FRMD4A: variants seen among roughly 807,000 people sequenced by gnomAD.
FRMD4A encodes the protein FERM domain-containing protein 4A.
In FRMD4A, 29 loss-of-function variants were observed where a neutral mutation model predicts 129.1. That is an observed-to-expected ratio of 0.22 (90% CI 0.17 to 0.31). The LOEUF is 0.31. Ranked by LOEUF, FRMD4A falls within the 10% of genes least tolerant of loss-of-function variation. FRMD4A has a pLI of 1.00. For missense variants in FRMD4A, 1,272 were observed against 1,375.8 expected, an observed-to-expected ratio of 0.92 and a Z score of 1.19; for synonymous variants, 634 against 571.6, an observed-to-expected ratio of 1.11 and a Z score of -1.56.
intron 2 of FRMD4A, among the ~76,000 whole-genome samples, chr10:14,293,606 T>C (rs902796141): frequency 7.6e-5 from 11 of 144,688 alleles, no homozygotes; most frequent in African/African-American, 2.7e-4. Flanking sequence ...ATTGTAAGTT[T>C]TGATGAAGAT....
At position 14,021,793 on chromosome 10, in the gene FRMD4A, G is replaced by A. The variant is rs115993781; in HGVS notation, c.46-162881C>T. Among the ~76,000 whole-genome samples, 153 of 152,004 alleles carry A rather than the reference G, an allele frequency of 1.0e-3. 1 individual carries two copies. The highest frequency in any genetic ancestry group is 3.4e-3 in the African/African-American group (139 of 41,440). On this transcript the variant is annotated intron_variant, in intron 2 of 24. Transcript: ENST00000357447. ...TTTATGGACTTTTGTGCACCTCACCGATATCTTACAATAACAAATTACAAA... is the reference window on the plus strand; with the variant it reads ...TTTATGGACTTTTGTGCACCTCACCAATATCTTACAATAACAAATTACAAA...
At chr10:14,042,676 A>C (rs1166207928) in intron 2 of FRMD4A, among the ~76,000 whole-genome samples, 2 of 152,132 alleles carry the variant, frequency 1.3e-5, no homozygotes, top group Non-Finnish European at 2.9e-5. Context: ...AATTTATTTG[A>C]AAACAGGCCG....
At chr10:14,246,412 C>T (rs1436256004) in intron 2 of FRMD4A, among the ~76,000 whole-genome samples, 5 of 151,972 alleles carry the variant, frequency 3.3e-5, no homozygotes, top group East Asian at 1.9e-4. Flanking sequence ...CACACAAGTG[C>T]ACGCATACAC....
chr10:14,006,558 G>A (rs868640175), intron 2 of FRMD4A, among the ~76,000 whole-genome samples: 17 of 152,118 alleles, frequency 1.1e-4, no homozygotes, highest in African/African-American at 3.1e-4. Context: ...GTTTCCAGGC[G>A]ACTGGATTTG....
chr10:14,033,003 GTTCTT>G (rs1833320043), intron 2 of FRMD4A, among the ~76,000 whole-genome samples: 1 of 152,160 alleles, frequency 6.6e-6, no homozygotes, highest in African/African-American at 2.4e-5. Flanking sequence ...GCTCCACTAC[GTTCTT>G]TTAAGATAAT....
At chr10:13,865,408 G>GTTTTA (rs56008576) in intron 2 of FRMD4A, among the ~76,000 whole-genome samples, 29,330 of 126,880 alleles carry the variant, frequency 0.23, 3,751 homozygotes, top group Middle Eastern at 0.29. Flanking sequence ...TATTTTATTT[G>GTTTTA]TTTTATTTTA....
At chr10:14,281,661 C>A (rs1219076402) in intron 2 of FRMD4A, among the ~76,000 whole-genome samples, 2 of 152,198 alleles carry the variant, frequency 1.3e-5, no homozygotes, top group Admixed American at 1.3e-4. Flanking sequence ...GTTGTACAAC[C>A]ATTGCCACCA....
At chr10:13,836,467 T>TAG (rs2093874914) in intron 3 of FRMD4A, among the ~76,000 whole-genome samples, 1 of 152,136 alleles carries the variant, frequency 6.6e-6, no homozygotes, top group Non-Finnish European at 1.5e-5. Flanking sequence ...AAATTGACAA[T>TAG]TCTTTGGGGG....
intron 2 of FRMD4A, among the ~76,000 whole-genome samples, chr10:14,042,565 C>T (rs764128551): frequency 5.3e-5 from 8 of 152,104 alleles, no homozygotes; most frequent in Non-Finnish European, 7.4e-5. Flanking sequence ...TTTTTCTTCA[C>T]GGCACCGAAG....
In FRMD4A at chr10:14,180,214, A is replaced by G. The variant is rs117303734; in HGVS notation, c.45+149844T>C. On this transcript the variant is annotated intron_variant, in intron 2 of 24. Transcript: ENST00000357447. ...CCAGGGCTTGAGCTAGATACTCTTC[A>G]GTGTCATCTCACTTAATTTTAACAG... is the stretch of plus-strand genomic sequence containing the variant. 7.1e-3 allele frequency among the ~76,000 whole-genome samples: 1,088 copies of G among 152,338 alleles called. 7 individuals carry two copies. The highest frequency in any genetic ancestry group is 0.012 in the Non-Finnish European group (826 of 68,030).
At chr10:13,749,825 C>G (rs1290636106) in intron 8 of FRMD4A, among the ~76,000 whole-genome samples, 2 of 151,616 alleles carry the variant, frequency 1.3e-5, no homozygotes, top group African/African-American at 4.9e-5. Context: ...CCTGTCTCTA[C>G]AAAAAATACA....
intron 2 of FRMD4A, among the ~76,000 whole-genome samples, chr10:14,204,739 GGA>G (rs1405403084): frequency 6.6e-6 from 1 of 152,078 alleles, no homozygotes; most frequent in African/African-American, 2.4e-5. Context: ...ATCGGAGCCT[GGA>G]GAGAGAGATT....
chr10:13,736,328 T>A (rs149700033), intron 12 of FRMD4A, among the ~76,000 whole-genome samples: 181 of 152,200 alleles, frequency 1.2e-3, no homozygotes, highest in Non-Finnish European at 2.1e-3. Context: ...GATCCCACAA[T>A]TGAGGAACAC....
intron 4 of FRMD4A, among the ~76,000 whole-genome samples, chr10:13,800,794 A>G (rs1438986071): frequency 1.3e-5 from 2 of 152,244 alleles, no homozygotes; most frequent in Non-Finnish European, 2.9e-5. Flanking sequence ...TCCACAGAGG[A>G]CAAACAGACA....
intron 2 of FRMD4A, among the ~76,000 whole-genome samples, chr10:13,916,865 A>G (rs1262630526): frequency 6.6e-6 from 1 of 152,056 alleles, no homozygotes; most frequent in African/African-American, 2.4e-5. Context: ...CCCCCAAAAA[A>G]GAAAGAAACA....
intron 2 of FRMD4A, among the ~76,000 whole-genome samples, chr10:14,310,234 T>G (rs1036394340): frequency 4.6e-5 from 7 of 152,220 alleles, no homozygotes; most frequent in Admixed American, 1.3e-4. Flanking sequence ...CGCACTCAAT[T>G]TGGCCTTCAC....
intron 2 of FRMD4A, among the ~76,000 whole-genome samples, chr10:13,995,979 G>A (rs1279954912): frequency 6.6e-6 from 1 of 152,072 alleles, no homozygotes; most frequent in African/African-American, 2.4e-5. Context: ...CCCATAAACT[G>A]GGGAGCTTAC....
intron 2 of FRMD4A, among the ~76,000 whole-genome samples, chr10:14,003,929 T>A (rs148878690): frequency 6.6e-6 from 1 of 152,272 alleles, no homozygotes; most frequent in Admixed American, 6.5e-5. Flanking sequence ...CTCATTTATA[T>A]GTTTTGTTCT....
intron 2 of FRMD4A, among the ~76,000 whole-genome samples, chr10:14,230,308 G>T (rs1353178467): frequency 6.6e-6 from 1 of 152,188 alleles, no homozygotes; most frequent in Non-Finnish European, 1.5e-5. Context: ...GTGGAATCTG[G>T]TTCCTGTAGA....
Sources: gnomAD v4.1 joint callset for allele counts (sites outside exome capture counted in the v4.1 genomes callset) on GRCh38, gnomAD v4.1.1 for gene constraint, MANE v1.5 for transcripts, NCBI Gene and HGNC (gene_info 2026-07-23, HGNC 2026-07-21) for gene names.